Variants in UBE2G1 observed in about 807,000 individuals in gnomAD.
UBE2G1 encodes ubiquitin-conjugating enzyme E2 G1.
A neutral mutation model predicts 22.7 loss-of-function variants in UBE2G1; 5 were observed. The ratio of observed to expected loss-of-function variants is 0.22; its 90% CI spans 0.12 to 0.46. The LOEUF is 0.46. Among genes scored for constraint, UBE2G1 ranks in the 20% least tolerant of loss-of-function variants. The probability of loss-of-function intolerance (pLI) is 0.99; values close to 1 mark genes in which losing one functional copy is unlikely to be tolerated. For synonymous variants in UBE2G1, 74 were observed against 67.5 expected (o/e 1.10, Z -0.47); for missense variants, 88 against 203.9 (o/e 0.43, Z 3.46).
At chr17:4,290,644 C>CTTTTTTT (rs372483601) in intron 3 of UBE2G1, among the ~76,000 whole-genome samples, 1 of 138,256 alleles carries the variant, frequency 7.2e-6, no homozygotes. Context: ...GCTAACCTGA[C>CTTTTTTT]TTTTTTTTTT....
chr17:4,356,480 C>T (rs781765585), intron 1 of UBE2G1, among the ~76,000 whole-genome samples: 12 of 152,234 alleles, frequency 7.9e-5, no homozygotes, highest in Non-Finnish European at 1.6e-4. Flanking sequence ...CTCAATACAA[C>T]GGCATATAAG....
intron 1 of UBE2G1, chr17:4,345,735 T>C (rs747748475): frequency 2.6e-5 from 4 of 152,214 alleles, no homozygotes; most frequent in Admixed American, 1.3e-4. Flanking sequence ...AATAGTCACC[T>C]ACTACACAAT....
At chr17:4,341,050 CAAAAAAAAA>C (rs71383550) in intron 1 of UBE2G1, among the ~76,000 whole-genome samples, 2 of 85,950 alleles carry the variant, frequency 2.3e-5, no homozygotes, top group African/African-American at 7.3e-5. Context: ...AGTGTCTTTA[CAAAAAAAAA>C]AAAAAAAAAA....
chr17:4,364,106 T>C (rs1332425271), intron 1 of UBE2G1: 1 of 146,724 alleles, frequency 6.8e-6, no homozygotes, highest in East Asian at 2.1e-4. Flanking sequence ...CTACTAAAAA[T>C]ACAAAAAATT....
intron 2 of UBE2G1, chr17:4,302,047 A>AG (rs552786501): frequency 4.7e-4 from 230 of 491,024 alleles, no homozygotes; most frequent in East Asian, 8.8e-4. Context: ...CAACAAAAAA[A>AG]GGGGGGGGAA....
chr17:4,361,829 C>G (rs111973794), intron 1 of UBE2G1, among the ~76,000 whole-genome samples: 509 of 152,128 alleles, frequency 3.3e-3, no homozygotes, highest in Non-Finnish European at 5.6e-3. Context: ...GTAATCCCAG[C>G]TACTTGGGAG....
chr17:4,294,431 AAAAAAAAAAG>A (rs1332688833), intron 3 of UBE2G1, among the ~76,000 whole-genome samples: 19 of 26,114 alleles, frequency 7.3e-4, no homozygotes, highest in East Asian at 0.02. Context: ...AAAAAAAAAA[AAAAAAAAAAG>A]AAAGAAACGA....
chr17:4,307,182 T>C, intron 1 of UBE2G1, 59 bp from the exon 2 acceptor site: 1 of 1,393,538 alleles, frequency 7.2e-7, no homozygotes, highest in Non-Finnish European at 1.0e-6. Flanking sequence ...ATCCAGTAGA[T>C]AAATTACAGA....
At chr17:4,302,503 G>A in intron 2 of UBE2G1, 1 of 458,512 alleles carries the variant, frequency 2.2e-6, no homozygotes. Context: ...TCTTGGGGTG[G>A]CCATCATTTC....
At chr17:4,284,222 T>C (rs370998091) in intron 4 of UBE2G1, among the ~76,000 whole-genome samples, 2 of 151,600 alleles carry the variant, frequency 1.3e-5, no homozygotes, top group African/African-American at 4.8e-5. Flanking sequence ...ACTCAACATT[T>C]TCCCTCACCT....
chr17:4,279,043 G>A (rs1968852451), intron 5 of UBE2G1, among the ~76,000 whole-genome samples: 1 of 152,188 alleles, frequency 6.6e-6, no homozygotes, highest in South Asian at 2.1e-4. Flanking sequence ...GAGAGGCCAA[G>A]GCAGGTGGAT....
intron 1 of UBE2G1, among the ~76,000 whole-genome samples, chr17:4,358,991 C>A (rs1242339318): frequency 6.6e-6 from 1 of 151,864 alleles, no homozygotes; most frequent in Non-Finnish European, 1.5e-5. Context: ...AAAAAGAACT[C>A]TTTGCCTAGC....
chr17:4,290,110 TA>T (rs570373156), intron 3 of UBE2G1, among the ~76,000 whole-genome samples: 3 of 152,080 alleles, frequency 2.0e-5, no homozygotes, highest in Non-Finnish European at 2.9e-5. Flanking sequence ...ACTTATTCAT[TA>T]AAAAAAGGTC....
At chr17:4,294,846 T>G (rs1215762036) in intron 3 of UBE2G1, among the ~76,000 whole-genome samples, 1 of 151,996 alleles carries the variant, frequency 6.6e-6, no homozygotes, top group Admixed American at 6.6e-5. Flanking sequence ...AAGGCTGCAG[T>G]GAGCTGTGAT....
chr17:4,308,611 G>C (rs1490058359), intron 1 of UBE2G1, among the ~76,000 whole-genome samples: 1 of 152,214 alleles, frequency 6.6e-6, no homozygotes, highest in Non-Finnish European at 1.5e-5. Context: ...AATAGTGAAT[G>C]CATGTATCAA....
chr17:4,344,279 G>T (rs1174927183), intron 1 of UBE2G1, among the ~76,000 whole-genome samples: 1 of 152,106 alleles, frequency 6.6e-6, no homozygotes, highest in Non-Finnish European at 1.5e-5. Flanking sequence ...GGTGGCTCGC[G>T]CCTGTAATCC....
intron 1 of UBE2G1, among the ~76,000 whole-genome samples, chr17:4,332,729 T>C (rs561681762): frequency 6.6e-6 from 1 of 152,214 alleles, no homozygotes; most frequent in East Asian, 1.9e-4. Flanking sequence ...CTAACCGCTC[T>C]GCCACCTCCC....
At position 4,315,800 on chromosome 17, in the gene UBE2G1, C is replaced by CT. The variant is rs368086814; in HGVS notation, c.47-8678dup. 4.7e-3 allele frequency among the ~76,000 whole-genome samples: 493 copies of CT among 105,280 alleles called. 10 individuals are homozygous for CT. The highest frequency in any genetic ancestry group is 0.019 in the African/African-American group (479 of 25,372). 69.1% of individuals were successfully genotyped at this position (105,280 alleles called of 152,430 possible). A position where few individuals can be genotyped will look rare whatever the true frequency, so the allele number is the denominator to read the frequency against. Reference sequence around the variant, plus strand: ...CAAAAAAACAGAAGAAAAGAGGCTCCTTTTTTTTTTTTTTTTTCCTCCCTG... The same window carrying CT: ...CAAAAAAACAGAAGAAAAGAGGCTCCTTTTTTTTTTTTTTTTTTCCTCCCTG... On this transcript the variant is annotated intron_variant, in intron 1 of 5. Transcript: ENST00000396981.
intron 1 of UBE2G1, among the ~76,000 whole-genome samples, chr17:4,321,552 G>A (rs1198218808): frequency 1.3e-5 from 2 of 152,142 alleles, no homozygotes; most frequent in African/African-American, 2.4e-5. Context: ...GAGCGCAGTA[G>A]TGTGTTCATG....
Sources: allele counts gnomAD v4.1 joint callset (sites outside exome capture counted in the v4.1 genomes callset), GRCh38; gene constraint gnomAD v4.1.1; transcripts MANE v1.5; gene names NCBI Gene and HGNC (gene_info 2026-07-23, HGNC 2026-07-21).